PSMD5: variants seen among roughly 807,000 people sequenced by gnomAD.
PSMD5 encodes the protein proteasome 26S subunit, non-ATPase 5, also known as 26S proteasome non-ATPase regulatory subunit 5.
PSMD5 carries 40 observed loss-of-function variants against 52.1 expected under a neutral mutation model. That is an observed-to-expected ratio of 0.77 (90% confidence interval 0.60 to 1.00). The LOEUF (loss-of-function observed/expected upper bound fraction) is 1.00. PSMD5 is among the 50% of genes least tolerant of loss of function. PSMD5 has a pLI of 0.00. For synonymous variants in PSMD5, 211 were observed against 226.6 expected (o/e 0.93, Z 0.62); for missense variants, 575 against 605.2 (o/e 0.95, Z 0.52).
rs144917508 is a variant in PSMD5 at position 120,817,982 on chromosome 9, C to T, written c.1439G>A (p.Arg480Lys). The change falls in exon 10 of 10, where the codon AGG becomes AAG. Residue 480 changes from arginine to lysine, a missense_variant. Arg to Lys is a conservative substitution (Grantham distance 26). Transcript: ENST00000210313. Reference protein sequence around the residue: ...AEIFGNPNYLRLRTYLSEGPY... With the variant: ...AEIFGNPNYLKLRTYLSEGPY... ...CCCTTCACTCAGGTAAGTTCTGAGC[C>T]TCAAATAATTTGGGTTCCCAAAGAT... is the stretch of plus-strand genomic sequence containing the variant. The T allele has an allele frequency of 8.9e-5, 144 of 1,614,192 alleles. No homozygotes were observed. The African/African-American group carries it at 1.7e-3, about 19-fold the overall frequency.
chr9:120,834,620 A>G (rs1426662500), intron 1 of PSMD5, among the ~76,000 whole-genome samples: 1 of 152,228 alleles, frequency 6.6e-6, no homozygotes, highest in African/African-American at 2.4e-5. Context: ...TAAAAGGGTG[A>G]GGTGAAGGAC....
chr9:120,830,641 G>A (rs1331092709), intron 4 of PSMD5, among the ~76,000 whole-genome samples: 2 of 152,112 alleles, frequency 1.3e-5, no homozygotes, highest in African/African-American at 4.8e-5. Context: ...AGACTATAGA[G>A]GATTCTATTT....
chr9:120,835,674 A>C (rs1330169972), intron 1 of PSMD5, among the ~76,000 whole-genome samples: 1 of 152,102 alleles, frequency 6.6e-6, no homozygotes, highest in Non-Finnish European at 1.5e-5. Flanking sequence ...AGTTGCAGTG[A>C]GTCGAGATAG....
At position 120,818,068 on chromosome 9, in the gene PSMD5, A is replaced by C; in HGVS notation, c.1353T>G (p.Ala451=). The part of the protein sequence containing the change: ...VVDRSVEHDK[A]SKDAKYELVK... Reference sequence around the variant, plus strand: ...CTAGTTCATATTTGGCATCCTTTGAAGCTTTGTCATGCTCCACAGACCGGT... The same window carrying C: ...CTAGTTCATATTTGGCATCCTTTGACGCTTTGTCATGCTCCACAGACCGGT... The change falls in exon 10 of 10, where the codon GCT becomes GCG. Residue 451 remains alanine (A), a synonymous_variant. Transcript: ENST00000210313. The C allele has an allele frequency of 6.2e-7, 1 of 1,614,186 alleles. No homozygotes were observed. Among genetic ancestry groups the C allele is most frequent in the Non-Finnish European group, 8.5e-7 (1 of 1,180,028 alleles).
intron 1 of PSMD5, among the ~76,000 whole-genome samples, chr9:120,837,287 G>A (rs1359622023): frequency 1.3e-5 from 2 of 152,216 alleles, no homozygotes; most frequent in East Asian, 3.8e-4. Flanking sequence ...CTTCCAAAGT[G>A]CTGGGATTAC....
rs1007920380 is a variant in PSMD5 at position 120,816,382 on chromosome 9, G to T, written c.*1524C>A. The stretch of plus-strand genomic sequence containing the variant: ...TATGACAAATTTTATTGTATATATT[G>T]CACCACATTGAAAAAAAATCAACAT... On this transcript the variant is annotated 3_prime_UTR_variant, in exon 10 of 10. Transcript: ENST00000210313. 6.6e-6 allele frequency: 1 copy of T among 151,920 alleles called. No individual in the cohort carries two copies. Among genetic ancestry groups the T allele is most frequent in the Non-Finnish European group, 1.5e-5 (1 of 67,994 alleles). The allele number at this position is 151,920 out of a possible 1,614,324, so 9.4% of individuals were successfully genotyped here. A position where few individuals can be genotyped will look rare whatever the true frequency, so the allele number is the denominator to read the frequency against.
intron 8 of PSMD5, 72 bp downstream of exon 8, chr9:120,821,283 T>C (rs1338255053): frequency 9.9e-7 from 1 of 1,010,636 alleles, no homozygotes; most frequent in African/African-American, 1.6e-5. Flanking sequence ...ATCACATTTA[T>C]CATGTTGATT....
At position 120,826,765 on chromosome 9, in the gene PSMD5, C is replaced by G. The variant is rs2045124536; in HGVS notation, c.814G>C (p.Gly272Arg). The G allele has an allele frequency of 6.2e-7, 1 of 1,613,438 alleles. No individual in the cohort carries two copies. Among genetic ancestry groups the G allele is most frequent in the East Asian group, 2.2e-5 (1 of 44,874 alleles). ...SDPFSSFYLP[G>R]FVKFFGNLAV... ...TTCCATAGGCATCAGTGTTCCTTAC[C>G]TGGCAGATAGAAGCTAGAGAAAGGG... The change falls in exon 6 of 10, where the codon GGA (glycine) becomes CGA (arginine). Residue 272 changes from glycine to arginine, a missense_variant and splice_region_variant. Transcript: ENST00000210313.
rs2045049228 is a variant in PSMD5 at position 120,817,249 on chromosome 9, A to G, written c.*657T>C. 1 of 152,212 alleles carries G rather than the reference A, an allele frequency of 6.6e-6. No individual in the cohort carries two copies. The highest frequency in any genetic ancestry group is 2.4e-5 in the African/African-American group (1 of 41,448). 9.4% of individuals were successfully genotyped at this position (152,212 alleles called of 1,614,324 possible). On this transcript the variant is annotated 3_prime_UTR_variant, in exon 10 of 10. Transcript: ENST00000210313. ...AAAAGATAGTGAAGAGAATCCAGAA[A>G]TAATTTGGTGGCAGGTTTTTATTTT...
intron 7 of PSMD5, among the ~76,000 whole-genome samples, chr9:120,823,421 C>T (rs1404080373): frequency 6.6e-6 from 1 of 151,396 alleles, no homozygotes; most frequent in African/African-American, 2.4e-5. Context: ...GTTGGCCAGG[C>T]TGGTCTCGAG....
rs2131420892 is a variant in PSMD5 at position 120,821,447 on chromosome 9, A to G, written c.1024T>C (p.Leu342=). The change falls in exon 8 of 10, where the codon TTG becomes CTG. Residue 342 remains leucine, a synonymous_variant. Transcript: ENST00000210313. ...LQKTGTRFER[L]LMRIGHQSKN... ...GATTGATGTCCTATTCTCATAAGCA[A>G]GCGTTCAAAGCGAGTTCCTTTGAAG... 6.3e-7 allele frequency: 1 copy of G among 1,593,632 alleles called. No homozygotes were observed. Among genetic ancestry groups the G allele is most frequent in the Non-Finnish European group, 8.5e-7 (1 of 1,172,802 alleles).
At chr9:120,827,666 G>A (rs1213661116) in intron 5 of PSMD5, among the ~76,000 whole-genome samples, 2 of 152,198 alleles carry the variant, frequency 1.3e-5, no homozygotes, top group Non-Finnish European at 2.9e-5. Flanking sequence ...AATGTAACTA[G>A]TGACTGATTT....
chr9:120,840,409 T>TG (rs957317168), intron 1 of PSMD5, among the ~76,000 whole-genome samples: 1 of 150,902 alleles, frequency 6.6e-6, no homozygotes, highest in African/African-American at 2.4e-5. Context: ...TGTGAGCCAC[T>TG]GCTCCCGGTC....
intron 5 of PSMD5, among the ~76,000 whole-genome samples, chr9:120,828,443 CTTTT>C (rs34354549): frequency 2.3e-5 from 3 of 132,542 alleles, no homozygotes; most frequent in Non-Finnish European, 3.1e-5. Flanking sequence ...AGCTCATATT[CTTTT>C]TTTTTTTTTT....
At chr9:120,842,516 C>G in intron 1 of PSMD5, 4 of 588,650 alleles carry the variant, frequency 6.8e-6, no homozygotes, top group South Asian at 6.2e-5. Flanking sequence ...TCAGAGGCAG[C>G]GAGGCCAGGC....
chr9:120,826,854 T>C lies in PSMD5; in HGVS notation c.725A>G (p.Gln242Arg). 1.2e-6 allele frequency: 2 copies of C among 1,613,574 alleles called. No homozygotes were observed. The highest frequency in any genetic ancestry group is 1.3e-5 in the African/African-American group (1 of 75,042). Residue 242 changes from glutamine (Q) to arginine (R), a missense_variant, in exon 6 of 10, where the codon CAA (glutamine) becomes CGA (arginine). Transcript: ENST00000210313. The part of the protein sequence containing the change: ...TSLAYTHHGR[Q>R]YLAQEGVIDQ... ...AATTACTCCTTCTTGAGCAAGATAT[T>C]GTCGCCCATGATGAGTATATGCCAG...
At chr9:120,819,771 G>A (rs2045070631) in intron 9 of PSMD5, among the ~76,000 whole-genome samples, 1 of 152,150 alleles carries the variant, frequency 6.6e-6, no homozygotes. Context: ...GGGAGGTGGT[G>A]CTTGCAGTGA....
intron 1 of PSMD5, among the ~76,000 whole-genome samples, chr9:120,839,930 G>C (rs778196493): frequency 6.6e-6 from 1 of 150,376 alleles, no homozygotes; most frequent in African/African-American, 2.4e-5. Context: ...ACACCAGCCT[G>C]GCCAACATGG....
Position 120,829,098 on chromosome 9 carries a change from C to A in PSMD5, c.671+1G>T, listed in dbSNP as rs781704910. On this transcript the variant is annotated splice_donor_variant, in intron 5 of 9. Transcript: ENST00000210313. LOFTEE classifies it high-confidence loss of function. The stretch of plus-strand genomic sequence containing the variant: ...TCACTTTAAGAACTCAGTCAACACA[C>A]CTGACCAACACATCCTCACCAGTCA... The A allele has an allele frequency of 6.3e-7, 1 of 1,579,446 alleles. No individual in the cohort carries two copies. Among genetic ancestry groups the A allele is most frequent in the Non-Finnish European group, 8.6e-7 (1 of 1,163,654 alleles).
Sources: allele counts gnomAD v4.1 joint callset (sites outside exome capture counted in the v4.1 genomes callset), GRCh38; gene constraint gnomAD v4.1.1; transcripts MANE v1.5; gene names NCBI Gene and HGNC (gene_info 2026-07-23, HGNC 2026-07-21).